IMMP1L: variants seen among roughly 807,000 people sequenced by gnomAD.
IMMP1L encodes the protein mitochondrial inner membrane protease subunit 1.
IMMP1L carries 24 observed loss-of-function variants against 21.8 expected under a neutral mutation model. The observed-to-expected ratio is 1.10, with a 90% confidence interval of 0.80 to 1.55. The LOEUF (loss-of-function observed/expected upper bound fraction) is 1.55. IMMP1L is among the 40% of genes most tolerant of loss of function. The pLI is 0.00. For synonymous variants in IMMP1L, 46 were observed against 62.8 expected, an observed-to-expected ratio of 0.73 and a Z score of 1.26; for missense variants, 195 against 200.7, an observed-to-expected ratio of 0.97 and a Z score of 0.17.
chr11:31,493,821 T>C lies in IMMP1L; in HGVS notation c.-30+15698A>G, dbSNP rs111981648. Among the ~76,000 whole-genome samples, 340 of 152,336 alleles carry C rather than the reference T, an allele frequency of 2.2e-3. 1 individual carries two copies. The highest frequency in any genetic ancestry group is 0.01 in the Middle Eastern group (3 of 294). ...GGCCCCATACAAGTCCAAAATCCAATAGAGAAGTCTTCAAACCTTAATGTT... is the reference window on the plus strand; with the variant it reads ...GGCCCCATACAAGTCCAAAATCCAACAGAGAAGTCTTCAAACCTTAATGTT... On this transcript the variant is annotated intron_variant, in intron 1 of 5. Coordinates refer to ENST00000532287, the MANE Select transcript of IMMP1L (RefSeq NM_001304274.2).
At chr11:31,463,663 A>G (rs1411462432) in intron 1 of IMMP1L, among the ~76,000 whole-genome samples, 1 of 152,172 alleles carries the variant, frequency 6.6e-6, no homozygotes, top group African/African-American at 2.4e-5. Flanking sequence ...GTTCCTTGCT[A>G]TATATTACTT....
chr11:31,476,377 C>T (rs1041777406), intron 1 of IMMP1L, among the ~76,000 whole-genome samples: 4 of 151,884 alleles, frequency 2.6e-5, no homozygotes, highest in Admixed American at 6.6e-5. Context: ...AAACCAAACC[C>T]GGGAACTCTG....
Position 31,437,505 on chromosome 11 carries a change from C to T in IMMP1L, c.322-3935G>A, listed in dbSNP as rs969827406. ...CATACTCAGTTTACCAGTAAAAAAA[C>T]ATAATGTTTGCAATTACTCCTCCTT... On this transcript the variant is annotated intron_variant, in intron 4 of 5. Transcript: ENST00000532287. 5.9e-5 allele frequency among the ~76,000 whole-genome samples: 9 copies of T among 152,242 alleles called. No individual in the cohort carries two copies. The South Asian group carries it at 6.2e-4, about 11-fold the overall frequency.
At chr11:31,432,865 G>T (rs1952960506) in intron 5 of IMMP1L, among the ~76,000 whole-genome samples, 1 of 152,182 alleles carries the variant, frequency 6.6e-6, no homozygotes, top group East Asian at 1.9e-4. Flanking sequence ...CTACTTGCAA[G>T]TAAGAGTTAA....
At chr11:31,458,863 G>A (rs557896621) in intron 3 of IMMP1L, among the ~76,000 whole-genome samples, 4 of 152,208 alleles carry the variant, frequency 2.6e-5, no homozygotes, top group South Asian at 2.1e-4. Flanking sequence ...TGAATGCAAC[G>A]AGTAATTTTT....
intron 1 of IMMP1L, chr11:31,477,812 C>T (rs2133738316): frequency 6.6e-6 from 1 of 152,338 alleles, no homozygotes; most frequent in African/African-American, 2.4e-5. Flanking sequence ...CAGCAAACTC[C>T]CTGAGAATGT....
At chr11:31,481,394 T>C (rs1954887069) in intron 1 of IMMP1L, among the ~76,000 whole-genome samples, 1 of 152,050 alleles carries the variant, frequency 6.6e-6, no homozygotes, top group Non-Finnish European at 1.5e-5. Context: ...AACTAAAAAA[T>C]GCAATTGGCA....
intron 4 of IMMP1L, among the ~76,000 whole-genome samples, chr11:31,436,757 C>T (rs1033780952): frequency 1.3e-4 from 20 of 152,044 alleles, no homozygotes; most frequent in Admixed American, 1.3e-3. Flanking sequence ...TAATTAACAA[C>T]TACAGAAAGG....
At chr11:31,475,213 A>G (rs765890528) in intron 1 of IMMP1L, among the ~76,000 whole-genome samples, 1 of 152,208 alleles carries the variant, frequency 6.6e-6, no homozygotes, top group Non-Finnish European at 1.5e-5. Context: ...CCTTATGTTT[A>G]TAAAGAATAA....
intron 4 of IMMP1L, chr11:31,452,655 T>A: frequency 1.0e-6 from 1 of 986,554 alleles, no homozygotes; most frequent in African/African-American, 1.7e-5. Flanking sequence ...TAATCTCATA[T>A]CTTTACAGTA....
chr11:31,486,359 CATG>C (rs1471422248), intron 1 of IMMP1L, among the ~76,000 whole-genome samples: 1 of 151,806 alleles, frequency 6.6e-6, no homozygotes, highest in Non-Finnish European at 1.5e-5. Context: ...TTATAGAAGG[CATG>C]ATATGTTACT....
chr11:31,503,174 T>C (rs958764058), intron 1 of IMMP1L, among the ~76,000 whole-genome samples: 4 of 152,114 alleles, frequency 2.6e-5, no homozygotes. Context: ...CTAAATAATC[T>C]ACAGATCAAA....
intron 1 of IMMP1L, among the ~76,000 whole-genome samples, chr11:31,507,461 T>C (rs1295215901): frequency 2.0e-5 from 3 of 152,148 alleles, no homozygotes; most frequent in Non-Finnish European, 4.4e-5. Context: ...ATCATCATCT[T>C]GGGAAATCTA....
intron 1 of IMMP1L, chr11:31,477,831 A>G (rs1954773908): frequency 6.6e-6 from 1 of 152,222 alleles, no homozygotes; most frequent in Non-Finnish European, 1.5e-5. Context: ...GTCAGTCGTG[A>G]TTCAGTTTTG....
chr11:31,449,148 G>A, intron 4 of IMMP1L: 1 of 863,542 alleles, frequency 1.2e-6, no homozygotes, highest in East Asian at 1.2e-4. Context: ...GACATTATTA[G>A]GCAGTTCTTC....
intron 4 of IMMP1L, among the ~76,000 whole-genome samples, chr11:31,437,373 G>A (rs1006525441): frequency 6.6e-6 from 1 of 152,122 alleles, no homozygotes; most frequent in African/African-American, 2.4e-5. Flanking sequence ...CTCGTCATGT[G>A]AAGTCATATG....
intron 1 of IMMP1L, among the ~76,000 whole-genome samples, chr11:31,497,198 A>G (rs1592042278): frequency 6.6e-6 from 1 of 151,652 alleles, no homozygotes; most frequent in Non-Finnish European, 1.5e-5. Flanking sequence ...TAACTCCATC[A>G]TAAGTCAAAG....
In IMMP1L at chr11:31,502,123, T is replaced by C. The variant is rs141427257; in HGVS notation, c.-30+7396A>G. ...CGAACTGAGAGAAAATTCAAAGATATAGTACTACAAATGAGAAACTAAATT... is the reference window on the plus strand; with the variant it reads ...CGAACTGAGAGAAAATTCAAAGATACAGTACTACAAATGAGAAACTAAATT... On this transcript the variant is annotated intron_variant, in intron 1 of 5. Coordinates refer to ENST00000532287, the MANE Select transcript of IMMP1L (RefSeq NM_001304274.2). 4.0e-4 allele frequency among the ~76,000 whole-genome samples: 61 copies of C among 152,246 alleles called. 1 individual carries two copies. Among genetic ancestry groups the C allele is most frequent in the Non-Finnish European group, 6.9e-4 (47 of 68,016 alleles).
At chr11:31,500,163 C>CT (rs555048431) in intron 1 of IMMP1L, among the ~76,000 whole-genome samples, 9 of 150,654 alleles carry the variant, frequency 6.0e-5, no homozygotes, top group Non-Finnish European at 1.3e-4. Flanking sequence ...ATTGGTCAGT[C>CT]TTTTTTTTTC....
Sources: allele counts gnomAD v4.1 joint callset (sites outside exome capture counted in the v4.1 genomes callset), GRCh38; gene constraint gnomAD v4.1.1; transcripts MANE v1.5; gene names NCBI Gene and HGNC (gene_info 2026-07-23, HGNC 2026-07-21).